WASHC4: variants seen among roughly 807,000 people sequenced by gnomAD.
WASHC4 encodes WASH complex subunit 7.
WASHC4 carries 86 observed loss-of-function variants against 166.6 expected under a neutral mutation model. That is an observed-to-expected ratio of 0.52 (90% CI 0.43 to 0.62). WASHC4 has a LOEUF of 0.62. WASHC4 is among the 20% of genes least tolerant of loss of function. WASHC4 has a pLI of 0.00. For synonymous variants in WASHC4, 446 were observed against 451.6 expected (o/e 0.99, Z 0.16); for missense variants, 1,262 against 1,382.4 (o/e 0.91, Z 1.38).
At position 105,144,882 on chromosome 12, in the gene WASHC4, A is replaced by G. The variant is rs1883169863; in HGVS notation, c.2334+10A>G. On this transcript the variant is annotated intron_variant, in intron 22 of 32. Coordinates refer to ENST00000332180, the MANE Select transcript of WASHC4 (RefSeq NM_015275.3). ...TCAGACTTTGGAACAGGTATAGTAT[A>G]AAATGTTTTTTTTAGCATACTGTGA... 1.2e-6 allele frequency: 2 copies of G among 1,608,578 alleles called. No homozygotes were observed. The highest frequency in any genetic ancestry group is 1.7e-6 in the Non-Finnish European group (2 of 1,178,108).
intron 13 of WASHC4, among the ~76,000 whole-genome samples, chr12:105,133,094 C>G (rs1296448827): frequency 6.6e-6 from 1 of 152,102 alleles, no homozygotes; most frequent in Non-Finnish European, 1.5e-5. Flanking sequence ...TTCTGTCTCT[C>G]TGAGTCAAAA....
At chr12:105,133,358 A>T (rs886442142) in intron 13 of WASHC4, among the ~76,000 whole-genome samples, 2 of 152,160 alleles carry the variant, frequency 1.3e-5, no homozygotes, top group Non-Finnish European at 2.9e-5. Context: ...CACCTACTCA[A>T]TGAGCCTACT....
Position 105,140,288 on chromosome 12 carries a change from T to G in WASHC4, c.1453-6T>G, listed in dbSNP as rs749312668. On this transcript the variant is annotated splice_polypyrimidine_tract_variant and splice_region_variant and intron_variant, in intron 15 of 32. Transcript: ENST00000332180. ...TTGTCAGAAAATTATTTCTGATTCT[T>G]TTTAGGCAATAGAGCATATGTTCTA... 1.4e-5 allele frequency: 22 copies of G among 1,601,212 alleles called. No individual in the cohort carries two copies. Among genetic ancestry groups the G allele is most frequent in the Admixed American group, 3.3e-5 (2 of 59,994 alleles).
intron 13 of WASHC4, among the ~76,000 whole-genome samples, chr12:105,130,836 C>T (rs1486424765): frequency 6.6e-6 from 1 of 152,144 alleles, no homozygotes; most frequent in Admixed American, 6.5e-5. Context: ...GAAAATACTG[C>T]CTTTAGAGGA....
intron 15 of WASHC4, among the ~76,000 whole-genome samples, chr12:105,138,402 T>C (rs895972239): frequency 3.3e-5 from 5 of 151,792 alleles, no homozygotes; most frequent in Admixed American, 6.6e-5. Flanking sequence ...TCCATTATAG[T>C]GTTTACATGC....
chr12:105,111,916 T>C lies in WASHC4; in HGVS notation c.201+652T>C, dbSNP rs551315133. Among the ~76,000 whole-genome samples the C allele has an allele frequency of 1.4e-4, 22 of 152,358 alleles. No individual in the cohort carries two copies. In the South Asian group the frequency reaches 4.6e-3, roughly 32 times the overall value. On this transcript the variant is annotated intron_variant, in intron 2 of 32. Transcript: ENST00000332180. ...GAGATATAATTCATATATCATACAATTCACTCATTTAAATTGTATAATTCA... is the reference window on the plus strand; with the variant it reads ...GAGATATAATTCATATATCATACAACTCACTCATTTAAATTGTATAATTCA...
chr12:105,142,018 A>G (rs1347021624), intron 18 of WASHC4, among the ~76,000 whole-genome samples: 1 of 143,406 alleles, frequency 7.0e-6, no homozygotes, highest in Non-Finnish European at 1.5e-5. Flanking sequence ...GGGGGTCACA[A>G]TTTTTTTTTT....
chr12:105,126,007 T>C lies in WASHC4; in HGVS notation c.790T>C (p.Cys264Arg). 1 of 1,612,102 alleles carries C rather than the reference T, an allele frequency of 6.2e-7. No individual in the cohort carries two copies. Among genetic ancestry groups the C allele is most frequent in the Non-Finnish European group, 8.5e-7 (1 of 1,178,588 alleles). The change falls in exon 11 of 33, where the codon TGT becomes CGT. Residue 264 changes from cysteine (C) to arginine (R), a missense_variant. Transcript: ENST00000332180. Reference sequence around the variant, plus strand: ...TCTTTCAATGTTTCCTGTCTAGGCCTGTATAGAACAACAATTTGATTCTCT... The same window carrying C: ...TCTTTCAATGTTTCCTGTCTAGGCCCGTATAGAACAACAATTTGATTCTCT... The part of the protein sequence containing the change: ...QLLDGMIFQA[C>R]IEQQFDSLNG...
At chr12:105,158,116 C>G (rs1479911081) in intron 28 of WASHC4, among the ~76,000 whole-genome samples, 1 of 152,052 alleles carries the variant, frequency 6.6e-6, no homozygotes, top group Non-Finnish European at 1.5e-5. Context: ...ATAAGAAGAT[C>G]ATAATGATAA....
intron 19 of WASHC4, 70 bp from the exon 20 acceptor site, chr12:105,143,057 C>A: frequency 1.1e-6 from 1 of 910,962 alleles, no homozygotes; most frequent in Non-Finnish European, 1.8e-6. Flanking sequence ...AGATAATTAA[C>A]TTTTGCAGTA....
intron 6 of WASHC4, 23 bp from the exon 7 acceptor site, chr12:105,118,423 A>T (rs547668648): frequency 1.3e-6 from 2 of 1,520,580 alleles, no homozygotes; most frequent in East Asian, 4.5e-5. Flanking sequence ...ACTTTATAAT[A>T]TATACCCACC....
At chr12:105,152,765 G>A (rs1883865270) in intron 26 of WASHC4, among the ~76,000 whole-genome samples, 1 of 152,112 alleles carries the variant, frequency 6.6e-6, no homozygotes, top group African/African-American at 2.4e-5. Context: ...CTCTGTTCAA[G>A]GCACTGTTTT....
At chr12:105,109,930 G>A (rs11112373) in intron 1 of WASHC4, among the ~76,000 whole-genome samples, 16,396 of 152,208 alleles carry the variant, frequency 0.11, 942 homozygotes, top group East Asian at 0.23. Flanking sequence ...TCATTTGCTG[G>A]TCAAATGCAG....
chr12:105,149,415 G>A (rs1883558614), intron 24 of WASHC4, 200 bp from the exon 25 acceptor site: 1 of 1,082,226 alleles, frequency 9.2e-7, no homozygotes, highest in Admixed American at 4.7e-5. Context: ...TATGTAAGAG[G>A]AGCTTATAGA....
chr12:105,113,491 C>G (rs1879885806), intron 2 of WASHC4, among the ~76,000 whole-genome samples: 1 of 151,984 alleles, frequency 6.6e-6, no homozygotes, highest in South Asian at 2.1e-4. Context: ...TGTTTAAGTT[C>G]TATTATTGGG....
In WASHC4 at chr12:105,126,291, G is replaced by T. The variant is rs34434425; in HGVS notation, c.967G>T (p.Val323Leu). Residue 323 changes from valine to leucine, a missense_variant, in exon 12 of 33, where the codon GTA (valine) becomes TTA (leucine). Val to Leu is a conservative substitution (Grantham distance 32, BLOSUM62 1). Coordinates refer to ENST00000332180, the MANE Select transcript of WASHC4 (RefSeq NM_015275.3). The part of the protein sequence containing the change: ...DKYVGICGLF[V>L]LHFQIFRTID... ...GTATGTTGGAATTTGTGGACTCTTTGTATTGCACTTTCAGATTTTTCGAAC... is the reference window on the plus strand; with the variant it reads ...GTATGTTGGAATTTGTGGACTCTTTTTATTGCACTTTCAGATTTTTCGAAC... 24,392 of 1,608,698 alleles carry T rather than the reference G, an allele frequency of 0.015. 205 individuals are homozygous for T. Among genetic ancestry groups the T allele is most frequent in the Admixed American group, 0.019 (1,110 of 59,966 alleles).
At chr12:105,110,981 C>T in intron 1 of WASHC4, 144 bp from the exon 2 acceptor site, 1 of 654,678 alleles carries the variant, frequency 1.5e-6, no homozygotes, top group Non-Finnish European at 2.7e-6. Context: ...TGTTGTTTAA[C>T]TTTGGAACTT....
At chr12:105,109,769 C>G (rs1245062405) in intron 1 of WASHC4, among the ~76,000 whole-genome samples, 1 of 151,726 alleles carries the variant, frequency 6.6e-6, no homozygotes, top group East Asian at 1.9e-4. Context: ...ACCTCAGCCT[C>G]CTTAGTAGCT....
intron 7 of WASHC4, among the ~76,000 whole-genome samples, chr12:105,120,169 T>G (rs1047039556): frequency 6.6e-6 from 1 of 152,246 alleles, no homozygotes; most frequent in African/African-American, 2.4e-5. Context: ...TCTAATAGTT[T>G]AGAAAGATAT....
Sources: gnomAD v4.1 joint callset for allele counts (sites outside exome capture counted in the v4.1 genomes callset) on GRCh38, gnomAD v4.1.1 for gene constraint, MANE v1.5 for transcripts, NCBI Gene and HGNC (gene_info 2026-07-23, HGNC 2026-07-21) for gene names.